The following IRGM variants were observed in gnomAD, a reference collection of about 807,000 sequenced individuals.
IRGM encodes the protein immunity-related GTPase family M protein.
For synonymous variants in IRGM, 98 were observed against 80.6 expected, an observed-to-expected ratio of 1.22 and a Z score of -1.16; for missense variants, 288 against 219.9, an observed-to-expected ratio of 1.31 and a Z score of -1.96.
intron 3 of IRGM, chr5:150,896,849 A>G: frequency 1.9e-6 from 3 of 1,613,660 alleles, no homozygotes; most frequent in Non-Finnish European, 2.5e-6. Flanking sequence ...GCTGACCATC[A>G]CCTTGACAGA....
intron 1 of IRGM, among the ~76,000 whole-genome samples, chr5:150,875,337 A>G (rs1754348078): frequency 6.6e-6 from 1 of 152,218 alleles, no homozygotes; most frequent in Non-Finnish European, 1.5e-5. Flanking sequence ...TGAGCAGTGC[A>G]CCTGGCTGTG....
intron 1 of IRGM, among the ~76,000 whole-genome samples, chr5:150,856,191 G>C (rs1038327584): frequency 6.6e-6 from 1 of 152,128 alleles, no homozygotes; most frequent in Non-Finnish European, 1.5e-5. Flanking sequence ...CCAGCACTTT[G>C]AGAGGCCAAG....
intron 3 of IRGM, among the ~76,000 whole-genome samples, chr5:150,881,982 T>G (rs534158972): frequency 2.0e-4 from 31 of 152,168 alleles, no homozygotes; most frequent in African/African-American, 7.0e-4. Context: ...CAGGAGTTAT[T>G]GACTGCCTGA....
intron 3 of IRGM, chr5:150,898,613 T>C: frequency 6.6e-7 from 1 of 1,507,334 alleles, no homozygotes; most frequent in Non-Finnish European, 8.9e-7. Context: ...TCTGCTATAA[T>C]GTGCACAACT....
In IRGM at chr5:150,848,587, G is replaced by A. The variant is rs1247174191; in HGVS notation, c.464G>A (p.Gly155Asp). Residue 155 changes from glycine to aspartate, a missense_variant, in exon 2 of 2, where the codon GGT becomes GAT. Physicochemically the swap from Gly to Asp is moderately conservative, Grantham distance 94. Coordinates refer to ENST00000522154, the MANE Select transcript of IRGM (RefSeq NM_001145805.2). ...AAGCTAGACATGGACCTCAGCACAG[G>A]TGCCCTCCCAGAAGTGCAGCTACTG... ...WTKLDMDLST[G>D]ALPEVQLLQI... is the part of the protein sequence containing the mutation. 4 of 1,551,452 alleles carry A rather than the reference G, an allele frequency of 2.6e-6. No individual in the cohort carries two copies. Among genetic ancestry groups the A allele is most frequent in the Non-Finnish European group, 3.5e-6 (4 of 1,146,774 alleles).
At chr5:150,895,392 G>A (rs990665196) in intron 3 of IRGM, 2 of 1,489,244 alleles carry the variant, frequency 1.3e-6, no homozygotes, top group South Asian at 2.7e-5. Flanking sequence ...TAAGGCTTGA[G>A]CTAATACTAA....
chr5:150,861,962 C>T (rs1404309526), intron 1 of IRGM, among the ~76,000 whole-genome samples: 3 of 152,176 alleles, frequency 2.0e-5, no homozygotes, highest in Non-Finnish European at 4.4e-5. Context: ...TATTATCTTA[C>T]AGATTATGTG....
intron 1 of IRGM, chr5:150,847,430 C>T (rs1753885108): frequency 6.6e-6 from 1 of 152,292 alleles, no homozygotes; most frequent in African/African-American, 2.4e-5. Context: ...TTGGGCTTTT[C>T]AGGAGACTTG....
chr5:150,902,098 TGA>T (rs1430909914), downstream of IRGM, among the ~76,000 whole-genome samples: 1 of 152,130 alleles, frequency 6.6e-6, no homozygotes, highest in African/African-American at 2.4e-5. Context: ...TGGGAGAAGG[TGA>T]GTTTAAGTTA....
intron 1 of IRGM, among the ~76,000 whole-genome samples, chr5:150,858,659 T>A (rs917056218): frequency 3.3e-5 from 5 of 151,686 alleles, no homozygotes; most frequent in Admixed American, 6.6e-5. Context: ...GTAAGTTGGA[T>A]TCCTAGGTAT....
At chr5:150,874,653 C>A (rs144541543) in intron 1 of IRGM, among the ~76,000 whole-genome samples, 2 of 152,208 alleles carry the variant, frequency 1.3e-5, no homozygotes, top group Non-Finnish European at 2.9e-5. Flanking sequence ...GGCTCTGCAA[C>A]AGGTCCAGGC....
intron 1 of IRGM, among the ~76,000 whole-genome samples, chr5:150,856,921 TTTA>T (rs1173704877): frequency 4.1e-5 from 4 of 98,252 alleles, no homozygotes; most frequent in Non-Finnish European, 7.5e-5. Context: ...ATATTTATTA[TTTA>T]TTATTTATTA....
Position 150,848,652 on chromosome 5 carries a change from C to G in IRGM, c.529C>G (p.Arg177Gly). The stretch of plus-strand genomic sequence containing the variant: ...TGTCCTGGAAAATCTCCAGAAGGAG[C>G]GGGTATGTGAATACTAATTCCTGTC... The part of the protein sequence containing the change: ...ENVLENLQKE[R>G]VCEY Residue 177 changes from arginine (R) to glycine (G), a missense_variant, in exon 2 of 2, where the codon CGG becomes GGG. By Grantham distance (125) the Arg-to-Gly change is moderately radical. Coordinates refer to ENST00000522154, the MANE Select transcript of IRGM (RefSeq NM_001145805.2). The G allele has an allele frequency of 6.5e-7, 1 of 1,537,410 alleles. No homozygotes were observed. Among genetic ancestry groups the G allele is most frequent in the Non-Finnish European group, 8.8e-7 (1 of 1,137,290 alleles).
intron 1 of IRGM, among the ~76,000 whole-genome samples, chr5:150,875,665 T>C (rs1581648399): frequency 6.6e-6 from 1 of 152,134 alleles, no homozygotes; most frequent in Admixed American, 6.5e-5. Context: ...ATGAACAAAG[T>C]GGCCATGGTG....
At position 150,864,308 on chromosome 5, in the gene IRGM, G is replaced by A. The variant is rs995032379; in HGVS notation, c.159-13672G>A. Among the ~76,000 whole-genome samples, 5 of 152,144 alleles carry A rather than the reference G, an allele frequency of 3.3e-5. No homozygotes were observed. The South Asian group carries it at 1.0e-3, about 32-fold the overall frequency. On this transcript the variant is annotated intron_variant and NMD_transcript_variant, in intron 1 of 3. Transcript: ENST00000520549. The stretch of plus-strand genomic sequence containing the variant: ...GCTTTGCTATTACTATATTTCTCAT[G>A]ATTCATTTCCTTATTAAAATTAATT...
At chr5:150,865,123 T>C (rs928336748) in intron 1 of IRGM, among the ~76,000 whole-genome samples, 13 of 152,356 alleles carry the variant, frequency 8.5e-5, no homozygotes, top group African/African-American at 3.1e-4. Context: ...TAAATGGAGT[T>C]AAATTTTTCT....
intron 3 of IRGM, among the ~76,000 whole-genome samples, chr5:150,880,771 T>C (rs1004355048): frequency 2.0e-5 from 3 of 152,230 alleles, no homozygotes; most frequent in African/African-American, 4.8e-5. Flanking sequence ...TAATCATCAC[T>C]GAAACAAAAC....
intron 1 of IRGM, among the ~76,000 whole-genome samples, chr5:150,858,952 T>C (rs1267286360): frequency 1.3e-5 from 2 of 152,168 alleles, no homozygotes; most frequent in African/African-American, 2.4e-5. Context: ...GGCCAGAACT[T>C]CCAACACTAT....
At chr5:150,867,764 A>G (rs937792538) in intron 1 of IRGM, among the ~76,000 whole-genome samples, 2 of 149,342 alleles carry the variant, frequency 1.3e-5, no homozygotes, top group African/African-American at 4.9e-5. Context: ...TTTCTTGGCC[A>G]TTTGTATATC....
Sources: allele counts gnomAD v4.1 joint callset (sites outside exome capture counted in the v4.1 genomes callset), GRCh38; gene constraint gnomAD v4.1.1; transcripts MANE v1.5; gene names NCBI Gene and HGNC (gene_info 2026-07-23, HGNC 2026-07-21).